Variants in VPS13B observed in about 807,000 individuals in gnomAD.
VPS13B encodes the protein intermembrane lipid transfer protein VPS13B.
Under a neutral mutation model 426.4 loss-of-function variants are expected in VPS13B, and 285 were observed. The observed-to-expected ratio is 0.67, with a 90% CI of 0.61 to 0.74. VPS13B has a LOEUF of 0.74. Ranked by LOEUF, VPS13B falls within the 30% of genes least tolerant of loss-of-function variation. VPS13B has a pLI of 0.00. For missense variants in VPS13B, 4,537 were observed against 4,782.6 expected (o/e 0.95, Z 1.51); for synonymous variants, 1,676 against 1,676.4 (o/e 1.00, Z 0.01).
chr8:99,275,344 T>A, intron 19 of VPS13B, 90 bp downstream of exon 19: 12 of 1,287,070 alleles, frequency 9.3e-6, no homozygotes, highest in Non-Finnish European at 1.3e-5. Flanking sequence ...TATTTTTTTT[T>A]TTTTAGGTAT....
rs540486314 is a variant in VPS13B at position 99,784,622 on chromosome 8, G to T, written c.7941+146G>T. 61 of 1,094,488 alleles carry T rather than the reference G, an allele frequency of 5.6e-5. 1 individual carries two copies. In the Admixed American group the frequency reaches 9.8e-4, roughly 18 times the overall value. 67.8% of individuals were successfully genotyped at this position (1,094,488 alleles called of 1,614,324 possible). A position where few individuals can be genotyped will look rare whatever the true frequency, so the allele number is the denominator to read the frequency against. ...CTACATCTGACGGAAACCCAAGAGT[G>T]TTTAGAGATGGGAGCACACGCTTCT... On this transcript the variant is annotated intron_variant, in intron 43 of 61. Transcript: ENST00000357162.
rs1370435088 is a variant in VPS13B, at chr8:99,835,113, A to T, written c.9615-84A>T. 3.8e-6 allele frequency: 6 copies of T among 1,582,230 alleles called. No homozygotes were observed. In the Admixed American group the frequency reaches 1.0e-4, roughly 26 times the overall value. On this transcript the variant is annotated intron_variant, in intron 52 of 61. Coordinates refer to ENST00000357162, the MANE Select transcript of VPS13B (RefSeq NM_152564.5). ...GATATTTTCGAGTTCTGAATGTTGCAAATCTAAATAAACATGTTCCAGAGG... is the reference window on the plus strand; with the variant it reads ...GATATTTTCGAGTTCTGAATGTTGCTAATCTAAATAAACATGTTCCAGAGG...
chr8:99,673,206 G>T (rs1203162820), intron 35 of VPS13B, among the ~76,000 whole-genome samples: 1 of 151,960 alleles, frequency 6.6e-6, no homozygotes, highest in African/African-American at 2.4e-5. Context: ...AGAATTGGTG[G>T]TATTAGATAT....
Position 99,853,503 on chromosome 8 carries a change from G to A in VPS13B, c.10114G>A (p.Ala3372Thr). 6.2e-7 allele frequency: 1 copy of A among 1,614,176 alleles called. No individual in the cohort carries two copies. Among genetic ancestry groups the A allele is most frequent in the Non-Finnish European group, 8.5e-7 (1 of 1,180,028 alleles). The change falls in exon 56 of 62, where the codon GCA becomes ACA. Residue 3372 changes from alanine (A) to threonine (T), a missense_variant. Ala to Thr is a moderately conservative substitution (Grantham distance 58, BLOSUM62 0). Coordinates refer to ENST00000357162, the MANE Select transcript of VPS13B (RefSeq NM_152564.5). Reference sequence around the variant, plus strand: ...AATGTTCATCACTCAGTTAAGCCTGGCAGTGTTTGATGACCTCACCCACCA... The same window carrying A: ...AATGTTCATCACTCAGTTAAGCCTGACAGTGTTTGATGACCTCACCCACCA... ...FKMFITQLSL[A>T]VFDDLTHHKA...
At chr8:99,280,744 C>G (rs1819130588) in intron 19 of VPS13B, among the ~76,000 whole-genome samples, 1 of 152,022 alleles carries the variant, frequency 6.6e-6, no homozygotes, top group African/African-American at 2.4e-5. Context: ...ATTATTTATT[C>G]ACTGGACTAT....
intron 33 of VPS13B, among the ~76,000 whole-genome samples, chr8:99,584,891 A>T (rs1826232489): frequency 6.6e-6 from 1 of 152,228 alleles, no homozygotes; most frequent in African/African-American, 2.4e-5. Context: ...ACATATATTT[A>T]GTAGGGAAGA....
chr8:99,389,714 TC>T (rs1463350955), intron 20 of VPS13B: 1 of 152,044 alleles, frequency 6.6e-6, no homozygotes, highest in Non-Finnish European at 1.5e-5. Flanking sequence ...TGGAAGAAAA[TC>T]CACATGTAAG....
chr8:99,386,518 G>A (rs1037143292), intron 20 of VPS13B, among the ~76,000 whole-genome samples: 4 of 152,080 alleles, frequency 2.6e-5, no homozygotes, highest in Non-Finnish European at 4.4e-5. Context: ...AATACCTTAG[G>A]CAATTGTAAC....
rs756155241 is a variant in VPS13B, at chr8:99,776,937, C to G, written c.7410C>G (p.His2470Gln). Reference sequence around the variant, plus strand: ...ACCTGGAATTCCATCTTTGTCATCACCTTGACCAACTAGGCACAGGTACTC... The same window carrying G: ...ACCTGGAATTCCATCTTTGTCATCAGCTTGACCAACTAGGCACAGGTACTC... ...FAHLEFHLCH[H>Q]LDQLGTAAPQ... Residue 2470 changes from histidine (H) to glutamine (Q), a missense_variant, in exon 41 of 62, where the codon CAC becomes CAG. Transcript: ENST00000357162. 6.2e-7 allele frequency: 1 copy of G among 1,614,018 alleles called. No individual in the cohort carries two copies. Among genetic ancestry groups the G allele is most frequent in the Admixed American group, 1.7e-5 (1 of 60,002 alleles).
intron 51 of VPS13B, among the ~76,000 whole-genome samples, chr8:99,827,611 T>C (rs1814773501): frequency 6.6e-6 from 1 of 151,908 alleles, no homozygotes; most frequent in African/African-American, 2.4e-5. Context: ...TAGTTATTTC[T>C]TGTCTTCTGC....
Position 99,134,727 on chromosome 8 carries a change from G to C in VPS13B, c.1302G>C (p.Glu434Asp). The C allele has an allele frequency of 6.2e-7, 1 of 1,601,634 alleles. No individual in the cohort carries two copies. The highest frequency in any genetic ancestry group is 8.5e-7 in the Non-Finnish European group (1 of 1,171,046). The part of the protein sequence containing the change: ...LCWEQEGTTV[E>D]ALMMGEPFFD... ...GGGAACAAGAAGGAACTACAGTTGA[G>C]GTAATCTTTCAATATTGAACCTGTA... The change falls in exon 9 of 62, where the codon GAG becomes GAC. Residue 434 changes from glutamate (E) to aspartate (D), a missense_variant and splice_region_variant. Glu to Asp is a conservative substitution (Grantham distance 45, BLOSUM62 2). Transcript: ENST00000357162.
At chr8:99,271,195 AACTACTACTACTACT>A (rs10538522) in intron 17 of VPS13B, among the ~76,000 whole-genome samples, 3,440 of 145,244 alleles carry the variant, frequency 0.024, 51 homozygotes, top group Admixed American at 0.038. Context: ...TGCTACCACT[AACTACTACTACTACT>A]ACTACTACTA....
chr8:99,097,686 A>G (rs925472218), intron 4 of VPS13B, among the ~76,000 whole-genome samples: 7 of 152,200 alleles, frequency 4.6e-5, no homozygotes, highest in Non-Finnish European at 1.0e-4. Context: ...ATAAATCTGT[A>G]TCTTTCATAT....
chr8:99,692,744 A>G (rs1302683832), intron 35 of VPS13B, among the ~76,000 whole-genome samples: 8 of 147,856 alleles, frequency 5.4e-5, no homozygotes, highest in Admixed American at 6.8e-5. Context: ...CAAAAAATCA[A>G]TGAATCCAGG....
intron 39 of VPS13B, among the ~76,000 whole-genome samples, chr8:99,739,606 T>TACTC (rs1228065738): frequency 6.6e-6 from 1 of 152,160 alleles, no homozygotes; most frequent in Admixed American, 6.5e-5. Context: ...CACGGCCAGG[T>TACTC]ACTCCTCTGA....
chr8:99,055,185 T>C (rs931816995), intron 3 of VPS13B, among the ~76,000 whole-genome samples: 2 of 152,010 alleles, frequency 1.3e-5, no homozygotes, highest in Non-Finnish European at 2.9e-5. Context: ...ACTATAAACA[T>C]GAGCCAGCAT....
chr8:99,680,632 G>C (rs553772951), intron 35 of VPS13B, among the ~76,000 whole-genome samples: 2 of 152,186 alleles, frequency 1.3e-5, no homozygotes, highest in African/African-American at 2.4e-5. Context: ...ATCTGGCAGA[G>C]ACATAGATGA....
chr8:99,105,657 G>T (rs1246060434), intron 5 of VPS13B, among the ~76,000 whole-genome samples: 2 of 152,186 alleles, frequency 1.3e-5, no homozygotes, highest in Non-Finnish European at 1.5e-5. Context: ...GGGATTACAG[G>T]CATGAGCCAC....
intron 19 of VPS13B, chr8:99,341,825 A>G (rs1811268056): frequency 8.2e-6 from 2 of 244,152 alleles, no homozygotes; most frequent in Non-Finnish European, 1.7e-5. Context: ...AGGAGGAAAG[A>G]AGATTTAACG....
Sources: gnomAD v4.1 joint callset for allele counts (sites outside exome capture counted in the v4.1 genomes callset) on GRCh38, gnomAD v4.1.1 for gene constraint, MANE v1.5 for transcripts, NCBI Gene and HGNC (gene_info 2026-07-23, HGNC 2026-07-21) for gene names.